Variants in CFAP161 observed in about 807,000 individuals in gnomAD.
The protein encoded by CFAP161 is cilia- and flagella-associated protein 161.
In CFAP161, 25 loss-of-function variants were observed where a neutral mutation model predicts 29.0. The ratio of observed to expected loss-of-function variants is 0.86; its 90% CI spans 0.63 to 1.20. The LOEUF (loss-of-function observed/expected upper bound fraction) is 1.20. CFAP161 is among the 50% of genes most tolerant of loss of function. CFAP161 has a pLI of 0.00. For missense variants in CFAP161, 367 were observed against 371.9 expected, an observed-to-expected ratio of 0.99 and a Z score of 0.11; for synonymous variants, 116 against 137.4, an observed-to-expected ratio of 0.84 and a Z score of 1.09.
At chr15:81,144,476 A>C (rs1894972601) in intron 5 of CFAP161, among the ~76,000 whole-genome samples, 2 of 152,096 alleles carry the variant, frequency 1.3e-5, no homozygotes, top group Non-Finnish European at 2.9e-5. Context: ...CACACCTGTA[A>C]TCCAAGCTAC....
chr15:81,142,461 T>A (rs8042200), intron 4 of CFAP161, among the ~76,000 whole-genome samples: 6,482 of 152,170 alleles, frequency 0.043, 486 homozygotes, highest in African/African-American at 0.15. Flanking sequence ...CCTCACCCTC[T>A]CTGTGTTCAC....
At chr15:81,116,893 T>C (rs930833149) in intron 1 of CFAP161, among the ~76,000 whole-genome samples, 1 of 152,214 alleles carries the variant, frequency 6.6e-6, no homozygotes, top group African/African-American at 2.4e-5. Flanking sequence ...TGAGAACTTG[T>C]AAACAATTCA....
chr15:81,101,526 CAAAAAAAAA>C (rs527465471), intron 1 of CFAP161, among the ~76,000 whole-genome samples: 9 of 46,104 alleles, frequency 2.0e-4, no homozygotes, highest in East Asian at 6.5e-4. Context: ...GACTCTGTCT[CAAAAAAAAA>C]AAAAAAAAAA....
At chr15:81,111,790 T>C (rs1894442913) in intron 1 of CFAP161, among the ~76,000 whole-genome samples, 1 of 152,316 alleles carries the variant, frequency 6.6e-6, no homozygotes, top group East Asian at 1.9e-4. Context: ...CAAATCCTAT[T>C]CATCATTTCT....
At chr15:81,114,854 A>G (rs535127419) in intron 1 of CFAP161, among the ~76,000 whole-genome samples, 7 of 152,170 alleles carry the variant, frequency 4.6e-5, no homozygotes, top group East Asian at 3.9e-4. Context: ...TAGTAGAGAC[A>G]GGGTTTCACC....
At chr15:81,140,510 T>C (rs1017538185) in intron 4 of CFAP161, among the ~76,000 whole-genome samples, 16 of 152,078 alleles carry the variant, frequency 1.1e-4, no homozygotes, top group Non-Finnish European at 1.9e-4. Flanking sequence ...TACCCTGTGC[T>C]TCTGAGCTTT....
chr15:81,117,749 A>C, intron 1 of CFAP161: 1 of 294,532 alleles, frequency 3.4e-6, no homozygotes, highest in Non-Finnish European at 6.8e-6. Context: ...TCAAGTCCAA[A>C]TTCTTCTTCC....
chr15:81,147,467 T>C (rs989864098), intron 5 of CFAP161, among the ~76,000 whole-genome samples: 1 of 152,206 alleles, frequency 6.6e-6, no homozygotes, highest in Admixed American at 6.5e-5. Context: ...CTTTGATTTA[T>C]ACATCATAAA....
chr15:81,146,559 C>T (rs114323943), intron 5 of CFAP161, among the ~76,000 whole-genome samples: 1,697 of 151,770 alleles, frequency 0.011, 37 homozygotes, highest in African/African-American at 0.039. Context: ...TGTATTTCAT[C>T]CATCCATTAT....
rs984111620 is a variant in CFAP161 at position 81,143,788 on chromosome 15, T to C, written c.604T>C (p.Leu202=). ...CWQAAFPDPQ[L]RLEYEGFPVP... ...GCAGGCTGCCTTCCCTGACCCCCAG[T>C]TACGCCTGGAATATGAAGGCTTCCC... Residue 202 remains leucine, a synonymous_variant, in exon 5 of 7, where the codon TTA becomes CTA. Coordinates refer to ENST00000286732, the MANE Select transcript of CFAP161 (RefSeq NM_173528.4). 5.0e-6 allele frequency: 8 copies of C among 1,614,044 alleles called. No individual in the cohort carries two copies. The highest frequency in any genetic ancestry group is 1.3e-5 in the African/African-American group (1 of 74,938).
intron 1 of CFAP161, among the ~76,000 whole-genome samples, chr15:81,104,195 C>T (rs1278591190): frequency 6.6e-6 from 1 of 152,212 alleles, no homozygotes; most frequent in Non-Finnish European, 1.5e-5. Flanking sequence ...AAATTTTTTT[C>T]TGCAAGGCAG....
intron 1 of CFAP161, among the ~76,000 whole-genome samples, chr15:81,115,555 G>A (rs988909903): frequency 1.3e-5 from 2 of 150,272 alleles, no homozygotes; most frequent in East Asian, 2.0e-4. Context: ...GTATTATTTC[G>A]TACTTCTGAA....
chr15:81,133,320 A>C (rs1324276108), upstream of CFAP161, among the ~76,000 whole-genome samples: 1 of 150,356 alleles, frequency 6.7e-6, no homozygotes, highest in African/African-American at 2.4e-5. Context: ...CGGCTTCCCA[A>C]AGTGCTGGAT....
intron 5 of CFAP161, among the ~76,000 whole-genome samples, chr15:81,146,855 TA>T: frequency 2.0e-5 from 1 of 50,236 alleles, no homozygotes; most frequent in Non-Finnish European, 3.4e-5. Flanking sequence ...TATATATATA[TA>T]TATATATATA....
intron 1 of CFAP161, among the ~76,000 whole-genome samples, chr15:81,118,523 C>T (rs1894528871): frequency 1.3e-5 from 2 of 152,246 alleles, no homozygotes; most frequent in Admixed American, 6.5e-5. Flanking sequence ...GGGAAAGCCA[C>T]TCACCCGCTG....
Position 81,135,284 on chromosome 15 carries a change from C to G in CFAP161, c.84C>G (p.Asp28Glu). ...TTTCTGTTTAGGAGCTCATGAAAGA[C>G]TTCTTAGAGAAGAGAGACAAGGGGA... is the stretch of plus-strand genomic sequence containing the variant. The part of the protein sequence containing the change: ...DVYLEEELMK[D>E]FLEKRDKGKL... Residue 28 changes from aspartate to glutamate, a missense_variant, in exon 2 of 7, where the codon GAC becomes GAG. By Grantham distance (45) the Asp-to-Glu change is conservative. Coordinates refer to ENST00000286732, the MANE Select transcript of CFAP161 (RefSeq NM_173528.4). 3 of 1,598,004 alleles carry G rather than the reference C, an allele frequency of 1.9e-6. No homozygotes were observed. Among genetic ancestry groups the G allele is most frequent in the Non-Finnish European group, 2.6e-6 (3 of 1,175,016 alleles).
Position 81,136,754 on chromosome 15 carries a change from G to A in CFAP161, c.392+6G>A. The A allele has an allele frequency of 1.2e-6, 2 of 1,603,726 alleles. No homozygotes were observed. Among genetic ancestry groups the A allele is most frequent in the African/African-American group, 1.3e-5 (1 of 74,760 alleles). ...AACACTTTTATCATTTTGAGGTAAA[G>A]AGACTTTAATTTTCAGTTCATTTTC... On this transcript the variant is annotated splice_donor_region_variant and intron_variant, in intron 3 of 6. Coordinates refer to ENST00000286732, the MANE Select transcript of CFAP161 (RefSeq NM_173528.4).
At chr15:81,123,251 G>T (rs369576489) in intron 1 of CFAP161, among the ~76,000 whole-genome samples, 1 of 152,044 alleles carries the variant, frequency 6.6e-6, no homozygotes, top group Non-Finnish European at 1.5e-5. Flanking sequence ...TTAATCTTCC[G>T]CATATGGCTA....
chr15:81,101,961 C>T (rs1894309109), intron 1 of CFAP161, among the ~76,000 whole-genome samples: 1 of 152,208 alleles, frequency 6.6e-6, no homozygotes, highest in African/African-American at 2.4e-5. Flanking sequence ...CCACCACCCT[C>T]TTCCAGGACA....
Sources: allele counts gnomAD v4.1 joint callset (sites outside exome capture counted in the v4.1 genomes callset), GRCh38; gene constraint gnomAD v4.1.1; transcripts MANE v1.5; gene names NCBI Gene and HGNC (gene_info 2026-07-23, HGNC 2026-07-21).